Variants in DLG2 observed in about 807,000 individuals in gnomAD.
DLG2 encodes disks large homolog 2.
In DLG2, 45 loss-of-function variants were observed where a neutral mutation model predicts 132.5. The ratio of observed to expected loss-of-function variants is 0.34; its 90% confidence interval spans 0.27 to 0.44. The LOEUF is 0.44. Among genes scored for constraint, DLG2 ranks in the 20% least tolerant of loss-of-function variants. The probability of loss-of-function intolerance (pLI) is 1.00; values close to 1 mark genes in which losing one functional copy is unlikely to be tolerated. For missense variants in DLG2, 1,045 were observed against 1,196.9 expected (o/e 0.87, Z 1.87); for synonymous variants, 424 against 419.6 (o/e 1.01, Z -0.13).
intron 6 of DLG2, among the ~76,000 whole-genome samples, chr11:84,625,718 G>C (rs565301346): frequency 2.6e-5 from 4 of 152,316 alleles, no homozygotes; most frequent in South Asian, 4.1e-4. Context: ...AAAATTTGAA[G>C]TCTGAGGTTA....
intron 16 of DLG2, among the ~76,000 whole-genome samples, chr11:83,835,927 T>G (rs1430049462): frequency 1.3e-5 from 2 of 152,146 alleles, no homozygotes; most frequent in Non-Finnish European, 2.9e-5. Flanking sequence ...CTATGGTATA[T>G]ACACATACAC....
At chr11:85,375,180 C>A (rs1418533148) in intron 3 of DLG2, among the ~76,000 whole-genome samples, 1 of 151,692 alleles carries the variant, frequency 6.6e-6, no homozygotes, top group Non-Finnish European at 1.5e-5. Flanking sequence ...TATAAACATC[C>A]TCATTTCTGA....
intron 6 of DLG2, among the ~76,000 whole-genome samples, chr11:84,859,082 G>T (rs541107274): frequency 5.9e-5 from 9 of 151,662 alleles, no homozygotes; most frequent in African/African-American, 1.9e-4. Context: ...TACTTCATAG[G>T]ACTCCTGCAG....
chr11:83,689,035 CCTTAGGCTCT>C (rs557140237), intron 18 of DLG2, among the ~76,000 whole-genome samples: 94 of 152,254 alleles, frequency 6.2e-4, no homozygotes, highest in African/African-American at 2.2e-3. Flanking sequence ...TTCTCCCTCT[CCTTAGGCTCT>C]CAGTCCAGGG....
intron 6 of DLG2, among the ~76,000 whole-genome samples, chr11:84,998,481 T>C (rs2057897266): frequency 6.6e-6 from 1 of 152,134 alleles, no homozygotes; most frequent in Non-Finnish European, 1.5e-5. Flanking sequence ...TAAATTACCA[T>C]CTTGGGTATT....
chr11:85,570,085 A>G (rs1159964219), intron 3 of DLG2, among the ~76,000 whole-genome samples: 2 of 152,196 alleles, frequency 1.3e-5, no homozygotes, highest in Non-Finnish European at 2.9e-5. Flanking sequence ...TTCATGTAAC[A>G]AACCTACATA....
chr11:84,487,140 T>C (rs565611870), intron 7 of DLG2, among the ~76,000 whole-genome samples: 1 of 152,244 alleles, frequency 6.6e-6, no homozygotes. Context: ...TGGGAAAAGG[T>C]ACAGAATGAT....
chr11:84,590,891 G>A (rs577892112), intron 6 of DLG2, among the ~76,000 whole-genome samples: 2 of 152,172 alleles, frequency 1.3e-5, no homozygotes, highest in Admixed American at 1.3e-4. Context: ...ATGAGATCTG[G>A]GCCTGTTCCT....
chr11:84,780,363 T>G (rs2071513617), intron 6 of DLG2, among the ~76,000 whole-genome samples: 1 of 151,924 alleles, frequency 6.6e-6, no homozygotes, highest in African/African-American at 2.4e-5. Flanking sequence ...AAACTATACA[T>G]AGAAGCAACA....
chr11:84,029,792 G>A (rs10898192), intron 11 of DLG2, among the ~76,000 whole-genome samples: 130,291 of 151,984 alleles, frequency 0.86, 56,029 homozygotes, highest in Middle Eastern at 0.91. Context: ...GGGCTTTTGC[G>A]CCTGTTGGTA....
chr11:85,131,498 T>G (rs2075707711), intron 5 of DLG2, among the ~76,000 whole-genome samples: 1 of 152,146 alleles, frequency 6.6e-6, no homozygotes, highest in South Asian at 2.1e-4. Context: ...AATTTCCTAC[T>G]TAAGATTTTT....
At chr11:84,672,107 G>C (rs2099706520) in intron 6 of DLG2, among the ~76,000 whole-genome samples, 1 of 152,144 alleles carries the variant, frequency 6.6e-6, no homozygotes, top group African/African-American at 2.4e-5. Flanking sequence ...GTGATATAAT[G>C]GAACAAATCA....
chr11:84,618,794 C>T (rs1040421701), intron 6 of DLG2, among the ~76,000 whole-genome samples: 1 of 151,850 alleles, frequency 6.6e-6, no homozygotes, highest in Non-Finnish European at 1.5e-5. Flanking sequence ...CTATGAGTGA[C>T]AAAGTGTAGA....
At chr11:83,893,573 T>C (rs1319991375) in intron 15 of DLG2, among the ~76,000 whole-genome samples, 1 of 152,190 alleles carries the variant, frequency 6.6e-6, no homozygotes, top group East Asian at 1.9e-4. Flanking sequence ...CTAAAGGTGT[T>C]CCATTCCCAT....
intron 18 of DLG2, among the ~76,000 whole-genome samples, chr11:83,741,306 C>T (rs1162362322): frequency 6.6e-6 from 1 of 151,824 alleles, no homozygotes; most frequent in Non-Finnish European, 1.5e-5. Flanking sequence ...CTAGCCAGGA[C>T]AATCAGGGAA....
At chr11:84,012,387 TTACTC>T (rs1197430783) in intron 11 of DLG2, among the ~76,000 whole-genome samples, 4 of 152,146 alleles carry the variant, frequency 2.6e-5, no homozygotes, top group African/African-American at 9.7e-5. Context: ...GACTTCCTGT[TTACTC>T]TAATAGCCTT....
At chr11:85,307,374 A>T (rs1565300566) in intron 3 of DLG2, among the ~76,000 whole-genome samples, 1 of 152,228 alleles carries the variant, frequency 6.6e-6, no homozygotes, top group African/African-American at 2.4e-5. Flanking sequence ...AGCGGTGGGA[A>T]AAAAAGAGAA....
chr11:84,928,358 T>C (rs1300067375), intron 6 of DLG2, among the ~76,000 whole-genome samples: 1 of 152,002 alleles, frequency 6.6e-6, no homozygotes, highest in Non-Finnish European at 1.5e-5. Context: ...ATAACTTCTC[T>C]CTGCCACAGA....
chr11:83,817,761 A>G (rs11820522), intron 17 of DLG2, among the ~76,000 whole-genome samples: 104,666 of 151,962 alleles, frequency 0.69, 37,194 homozygotes, highest in African/African-American at 0.87. Flanking sequence ...TCATAGTCCT[A>G]GCTATTTGAG....
Sources: allele counts gnomAD v4.1 joint callset (sites outside exome capture counted in the v4.1 genomes callset), GRCh38; gene constraint gnomAD v4.1.1; transcripts MANE v1.5; gene names NCBI Gene and HGNC (gene_info 2026-07-23, HGNC 2026-07-21).